Variants in MRPL35 observed in about 807,000 individuals in gnomAD.
The protein encoded by MRPL35 is large ribosomal subunit protein bL35m.
In MRPL35, 18 loss-of-function variants were observed where a neutral mutation model predicts 21.6. The ratio of observed to expected loss-of-function variants is 0.83; its 90% CI spans 0.58 to 1.24. The LOEUF (loss-of-function observed/expected upper bound fraction) is 1.24. Ranked by LOEUF, MRPL35 falls within the 50% of genes most tolerant of loss-of-function variation. The pLI is 0.00. For synonymous variants in MRPL35, 87 were observed against 86.9 expected (o/e 1.00, Z -0.01); for missense variants, 223 against 223.2 (o/e 1.00, Z 0.01).
At position 86,213,091 on chromosome 2, in the gene MRPL35, A is replaced by G; in HGVS notation, c.*2423A>G. 5.1e-6 allele frequency: 5 copies of G among 985,112 alleles called. No homozygotes were observed. The highest frequency in any genetic ancestry group is 6.0e-6 in the Non-Finnish European group (5 of 829,544). The allele number at this position is 985,112 out of a possible 1,614,324, so 61.0% of individuals were successfully genotyped here. On this transcript the variant is annotated 3_prime_UTR_variant, in exon 4 of 4. Transcript: ENST00000337109. ...AAGTAAATTACCCAAAGTACAGCTA[A>G]TAAGACCCAGAATCTCAGTCTCACT...
intron 2 of MRPL35, among the ~76,000 whole-genome samples, chr2:86,206,895 C>T (rs752904765): frequency 2.0e-5 from 3 of 152,112 alleles, no homozygotes; most frequent in Non-Finnish European, 4.4e-5. Flanking sequence ...AAATTGAAGT[C>T]CTCAAGGAGT....
intron 1 of MRPL35, among the ~76,000 whole-genome samples, chr2:86,204,451 ATT>A (rs34323490): frequency 0.42 from 58,461 of 138,754 alleles, 12,951 homozygotes; most frequent in Non-Finnish European, 0.52. Context: ...GTATTAGTGC[ATT>A]TTTTTTTTTA....
chr2:86,205,158 A>G (rs957539814), intron 1 of MRPL35, among the ~76,000 whole-genome samples: 5 of 152,256 alleles, frequency 3.3e-5, no homozygotes, highest in East Asian at 3.9e-4. Context: ...CCAGGAGGTC[A>G]AGGCTGCAGT....
Position 86,211,434 on chromosome 2 carries a change from G to A in MRPL35, c.*766G>A, listed in dbSNP as rs1402854293. ...GTCAGGAGCCCGCTTTGTATTAGCA[G>A]GTTTGCATGCAGCAAAAAAACAGTT... On this transcript the variant is annotated 3_prime_UTR_variant, in exon 4 of 4. Transcript: ENST00000337109. 4.1e-6 allele frequency: 4 copies of A among 985,316 alleles called. No homozygotes were observed. In the African/African-American group the frequency reaches 7.0e-5, roughly 17 times the overall value. The allele number at this position is 985,316 out of a possible 1,614,324, so 61.0% of individuals were successfully genotyped here. A position where few individuals can be genotyped will look rare whatever the true frequency, so the allele number is the denominator to read the frequency against.
intron 3 of MRPL35, among the ~76,000 whole-genome samples, chr2:86,209,233 C>T (rs1673856957): frequency 6.6e-6 from 1 of 152,228 alleles, no homozygotes; most frequent in Non-Finnish European, 1.5e-5. Flanking sequence ...ATAACCTTTC[C>T]TTATTTCATC....
At chr2:86,203,264 A>G (rs533088243) in intron 1 of MRPL35, among the ~76,000 whole-genome samples, 9 of 151,540 alleles carry the variant, frequency 5.9e-5, no homozygotes, top group Non-Finnish European at 1.3e-4. Flanking sequence ...TTGTATTTTT[A>G]GTAGAGACGG....
rs1470082417 is a variant in MRPL35 at position 86,210,594 on chromosome 2, T to G, written c.493T>G (p.Phe165Val). Residue 165 changes from phenylalanine to valine, a missense_variant, in exon 4 of 4, where the codon TTC (phenylalanine) becomes GTC (valine). Phe to Val is a conservative substitution (Grantham distance 50, BLOSUM62 -1). Transcript: ENST00000337109. The part of the protein sequence containing the change: ...SKLLDKMTTS[F>V]WKRRNWYVDD... Reference sequence around the variant, plus strand: ...ACTCTTAGATAAAATGACGACGTCCTTCTGGAAGAGGCGAAACTGGTACGT... The same window carrying G: ...ACTCTTAGATAAAATGACGACGTCCGTCTGGAAGAGGCGAAACTGGTACGT... 1.2e-6 allele frequency: 2 copies of G among 1,613,860 alleles called. No individual in the cohort carries two copies. Among genetic ancestry groups the G allele is most frequent in the Non-Finnish European group, 1.7e-6 (2 of 1,179,878 alleles).
intron 1 of MRPL35, 30 bp downstream of exon 1, chr2:86,199,563 G>A (rs539244771): frequency 1.9e-6 from 3 of 1,613,670 alleles, no homozygotes; most frequent in South Asian, 1.1e-5. Context: ...CTCCATGCAT[G>A]CCTTCACAGA....
intron 2 of MRPL35, among the ~76,000 whole-genome samples, chr2:86,206,650 G>A (rs1306420944): frequency 6.6e-6 from 1 of 152,218 alleles, no homozygotes; most frequent in Non-Finnish European, 1.5e-5. Flanking sequence ...GTGGGAGACT[G>A]TGACTGACAT....
intron 3 of MRPL35, among the ~76,000 whole-genome samples, chr2:86,208,923 C>A (rs997979320): frequency 1.3e-5 from 2 of 152,190 alleles, no homozygotes; most frequent in African/African-American, 4.8e-5. Context: ...ATCCAGCAGT[C>A]CTTGGTATTT....
At chr2:86,210,223 G>A (rs1673874041) in intron 3 of MRPL35, among the ~76,000 whole-genome samples, 1 of 151,992 alleles carries the variant, frequency 6.6e-6, no homozygotes, top group African/African-American at 2.4e-5. Flanking sequence ...TATTTTCTGT[G>A]AGTTTAATTT....
intron 1 of MRPL35, among the ~76,000 whole-genome samples, chr2:86,202,491 A>G (rs1673704352): frequency 6.6e-6 from 1 of 152,214 alleles, no homozygotes; most frequent in Non-Finnish European, 1.5e-5. Context: ...CCAAAATCTG[A>G]TGACGTGTGA....
At position 86,210,897 on chromosome 2, in the gene MRPL35, TG is replaced by T; in HGVS notation, c.*231del. ...GTGCATTATTTTTAACAAATGGTAT[TG>T]GCTTAACTAGTTGTTTCAGTTATGC... On this transcript the variant is annotated 3_prime_UTR_variant, in exon 4 of 4. Transcript: ENST00000337109. 1.7e-6 allele frequency: 2 copies of T among 1,184,538 alleles called. No individual in the cohort carries two copies. Among genetic ancestry groups the T allele is most frequent in the Non-Finnish European group, 2.1e-6 (2 of 955,996 alleles). 73.4% of individuals were successfully genotyped at this position (1,184,538 alleles called of 1,614,324 possible). A position where few individuals can be genotyped will look rare whatever the true frequency, so the allele number is the denominator to read the frequency against.
At chr2:86,204,622 G>A (rs903266428) in intron 1 of MRPL35, among the ~76,000 whole-genome samples, 1 of 152,090 alleles carries the variant, frequency 6.6e-6, no homozygotes, top group Non-Finnish European at 1.5e-5. Flanking sequence ...GCCATAGTGG[G>A]AAGGACTGAT....
At position 86,213,131 on chromosome 2, in the gene MRPL35, G is replaced by A; in HGVS notation, c.*2463G>A. ...TCAGTCTCACTCCTTGGGATCCTGTGTATTTCCCTGAGTCTTCTAACATAT... is the reference window on the plus strand; with the variant it reads ...TCAGTCTCACTCCTTGGGATCCTGTATATTTCCCTGAGTCTTCTAACATAT... On this transcript the variant is annotated 3_prime_UTR_variant, in exon 4 of 4. Transcript: ENST00000337109. 2.0e-6 allele frequency: 2 copies of A among 986,176 alleles called. No homozygotes were observed. Among genetic ancestry groups the A allele is most frequent in the Non-Finnish European group, 2.4e-6 (2 of 830,452 alleles). The allele number at this position is 986,176 out of a possible 1,614,324, so 61.1% of individuals were successfully genotyped here.
Position 86,210,893 on chromosome 2 carries a change from G to C in MRPL35, c.*225G>C, listed in dbSNP as rs1342610091. 1 of 1,202,662 alleles carries C rather than the reference G, an allele frequency of 8.3e-7. No individual in the cohort carries two copies. The allele number at this position is 1,202,662 out of a possible 1,614,324, so 74.5% of individuals were successfully genotyped here. A position where few individuals can be genotyped will look rare whatever the true frequency, so the allele number is the denominator to read the frequency against. On this transcript the variant is annotated 3_prime_UTR_variant, in exon 4 of 4. Transcript: ENST00000337109. ...AATGGTGCATTATTTTTAACAAATG[G>C]TATTGGCTTAACTAGTTGTTTCAGT...
intron 2 of MRPL35, 25 bp downstream of exon 2, chr2:86,206,320 T>TTTTTTTG: frequency 6.4e-7 from 1 of 1,570,520 alleles, no homozygotes; most frequent in Non-Finnish European, 8.6e-7. Flanking sequence ...TTTGTGGGGT[T>TTTTTTTG]TTTTTTGTTT....
At position 86,212,953 on chromosome 2, in the gene MRPL35, C is replaced by T; in HGVS notation, c.*2285C>T. On this transcript the variant is annotated 3_prime_UTR_variant, in exon 4 of 4. Transcript: ENST00000337109. ...ACTATGTCCCAGCATATCTACAAAACTGGGTACATACATACTGTCTAACTG... is the reference window on the plus strand; with the variant it reads ...ACTATGTCCCAGCATATCTACAAAATTGGGTACATACATACTGTCTAACTG... 1 of 695,934 alleles carries T rather than the reference C, an allele frequency of 1.4e-6. No individual in the cohort carries two copies. The highest frequency in any genetic ancestry group is 1.8e-6 in the Non-Finnish European group (1 of 566,046). 43.1% of individuals were successfully genotyped at this position (695,934 alleles called of 1,614,324 possible).
chr2:86,199,958 G>A (rs994319733), intron 1 of MRPL35, among the ~76,000 whole-genome samples: 3 of 152,186 alleles, frequency 2.0e-5, no homozygotes. Context: ...GATTAAATGA[G>A]ATAATGCACG....
Sources: gnomAD v4.1 joint callset for allele counts (sites outside exome capture counted in the v4.1 genomes callset) on GRCh38, gnomAD v4.1.1 for gene constraint, MANE v1.5 for transcripts, NCBI Gene and HGNC (gene_info 2026-07-23, HGNC 2026-07-21) for gene names.